The following GRM8 variants were observed in gnomAD, a reference collection of about 807,000 sequenced individuals.
GRM8 encodes the protein glutamate metabotropic receptor 8.
GRM8 carries 47 observed loss-of-function variants against 87.2 expected under a neutral mutation model. The observed-to-expected ratio is 0.54, with a 90% CI of 0.43 to 0.69. The LOEUF is 0.69. Among genes scored for constraint, GRM8 ranks in the 30% least tolerant of loss-of-function variants. The probability of loss-of-function intolerance (pLI) is 0.00; values close to 1 mark genes in which losing one functional copy is unlikely to be tolerated. For missense variants in GRM8, 1,019 were observed against 1,139.2 expected (o/e 0.89, Z 1.52); for synonymous variants, 396 against 404.5 (o/e 0.98, Z 0.25).
intron 7 of GRM8, among the ~76,000 whole-genome samples, chr7:126,660,324 A>G (rs1042095968): frequency 2.9e-4 from 44 of 152,190 alleles, no homozygotes; most frequent in African/African-American, 1.0e-3. Context: ...AGAGCAGTTA[A>G]AAGTAGTAAA....
chr7:127,066,513 T>C (rs1233797497), intron 3 of GRM8, among the ~76,000 whole-genome samples: 1 of 151,418 alleles, frequency 6.6e-6, no homozygotes, highest in Admixed American at 6.6e-5. Context: ...GTATTCTTTA[T>C]TTTTTTTTAA....
intron 6 of GRM8, among the ~76,000 whole-genome samples, chr7:126,858,714 C>T (rs1017281943): frequency 1.2e-4 from 19 of 152,194 alleles, no homozygotes; most frequent in Non-Finnish European, 4.4e-5. Flanking sequence ...CTGAAATGAC[C>T]CTCTACTTCA....
intron 3 of GRM8, among the ~76,000 whole-genome samples, chr7:127,090,350 T>C (rs1479075152): frequency 2.0e-5 from 3 of 152,222 alleles, no homozygotes; most frequent in Non-Finnish European, 4.4e-5. Flanking sequence ...AGCAAGTTCA[T>C]CAGGGCCTGG....
intron 7 of GRM8, among the ~76,000 whole-genome samples, chr7:126,621,879 C>A (rs1043417570): frequency 2.0e-5 from 3 of 152,122 alleles, no homozygotes; most frequent in African/African-American, 7.2e-5. Flanking sequence ...TGATTTCCTA[C>A]ACTTCCCAAT....
intron 3 of GRM8, among the ~76,000 whole-genome samples, chr7:126,936,320 A>G (rs910352310): frequency 3.9e-5 from 6 of 152,032 alleles, no homozygotes; most frequent in Non-Finnish European, 8.8e-5. Flanking sequence ...TTTCTTTCCT[A>G]TCACTTTTCA....
chr7:127,228,825 C>T (rs1398903330), intron 2 of GRM8: 3 of 152,150 alleles, frequency 2.0e-5, no homozygotes, highest in Non-Finnish European at 4.4e-5. Flanking sequence ...AAACTGTCTT[C>T]TTTCATAAGA....
intron 3 of GRM8, among the ~76,000 whole-genome samples, chr7:126,940,573 A>G (rs1332557561): frequency 6.6e-6 from 1 of 152,200 alleles, no homozygotes; most frequent in Non-Finnish European, 1.5e-5. Flanking sequence ...ACCAGAATCC[A>G]TCAACTTTGT....
At chr7:126,575,061 T>C (rs1794993337) in intron 8 of GRM8, among the ~76,000 whole-genome samples, 1 of 152,118 alleles carries the variant, frequency 6.6e-6, no homozygotes, top group African/African-American at 2.4e-5. Context: ...AGACAACAGA[T>C]CCTCTAGGGC....
At chr7:127,066,310 T>C (rs1334812685) in intron 3 of GRM8, among the ~76,000 whole-genome samples, 1 of 152,214 alleles carries the variant, frequency 6.6e-6, no homozygotes, top group African/African-American at 2.4e-5. Flanking sequence ...AGGACTAATA[T>C]CTGTGTCACA....
At chr7:127,124,933 T>C (rs532369764) in intron 2 of GRM8, among the ~76,000 whole-genome samples, 3 of 152,182 alleles carry the variant, frequency 2.0e-5, no homozygotes, top group Admixed American at 6.5e-5. Context: ...AAATTTAACA[T>C]CCATTCACAA....
intron 3 of GRM8, among the ~76,000 whole-genome samples, chr7:127,083,139 T>C (rs910020398): frequency 5.9e-5 from 9 of 152,210 alleles, no homozygotes; most frequent in African/African-American, 2.2e-4. Flanking sequence ...ATCACACTTG[T>C]GCACTTAACA....
At chr7:126,849,273 T>C (rs976614193) in intron 6 of GRM8, among the ~76,000 whole-genome samples, 6 of 152,154 alleles carry the variant, frequency 3.9e-5, no homozygotes, top group Non-Finnish European at 8.8e-5. Flanking sequence ...CTAGTTTTGA[T>C]GAGAAAGCAT....
intron 3 of GRM8, among the ~76,000 whole-genome samples, chr7:126,944,976 G>A (rs1347104113): frequency 6.6e-6 from 1 of 152,186 alleles, no homozygotes; most frequent in Non-Finnish European, 1.5e-5. Context: ...ACTCAACTGT[G>A]AGTTAAGATA....
At chr7:127,007,518 G>A (rs1331823775) in intron 3 of GRM8, among the ~76,000 whole-genome samples, 1 of 151,608 alleles carries the variant, frequency 6.6e-6, no homozygotes, top group Non-Finnish European at 1.5e-5. Flanking sequence ...ATTAACTTTT[G>A]ACTTCTAGCA....
At chr7:127,088,210 T>C (rs1431847804) in intron 3 of GRM8, among the ~76,000 whole-genome samples, 1 of 152,182 alleles carries the variant, frequency 6.6e-6, no homozygotes, top group African/African-American at 2.4e-5. Flanking sequence ...CAATATGTGC[T>C]ATTTTCACTG....
At chr7:126,540,153 T>G (rs1246010757) in intron 8 of GRM8, among the ~76,000 whole-genome samples, 1 of 152,098 alleles carries the variant, frequency 6.6e-6, no homozygotes, top group Non-Finnish European at 1.5e-5. Context: ...ATAAATTGAA[T>G]AGACATGTCC....
chr7:126,453,289 A>T (rs998842402), intron 9 of GRM8, among the ~76,000 whole-genome samples: 2 of 151,744 alleles, frequency 1.3e-5, no homozygotes, highest in Non-Finnish European at 2.9e-5. Context: ...AGCAGGTCAG[A>T]TACATTGCAC....
chr7:126,617,423 C>T (rs1356797810), intron 7 of GRM8, among the ~76,000 whole-genome samples: 1 of 152,118 alleles, frequency 6.6e-6, no homozygotes, highest in Admixed American at 6.6e-5. Flanking sequence ...CAATATCATA[C>T]TGAATGGGCA....
chr7:126,631,524 A>G (rs1169650574), intron 7 of GRM8, among the ~76,000 whole-genome samples: 1 of 152,172 alleles, frequency 6.6e-6, no homozygotes, highest in Non-Finnish European at 1.5e-5. Flanking sequence ...CAGAATCAGA[A>G]AAAAACTATC....
Sources: allele counts gnomAD v4.1 joint callset (sites outside exome capture counted in the v4.1 genomes callset), GRCh38; gene constraint gnomAD v4.1.1; transcripts MANE v1.5; gene names NCBI Gene and HGNC (gene_info 2026-07-23, HGNC 2026-07-21).